Variants in HDAC9 observed in about 807,000 individuals in gnomAD.
The protein encoded by HDAC9 is histone deacetylase 9.
Under a neutral mutation model 139.4 loss-of-function variants are expected in HDAC9, and 41 were observed. That is an observed-to-expected ratio of 0.29 (90% CI 0.23 to 0.38). The LOEUF (loss-of-function observed/expected upper bound fraction) is 0.38. Among genes scored for constraint, HDAC9 ranks in the 10% least tolerant of loss-of-function variants. HDAC9 has a pLI of 1.00. For missense variants in HDAC9, 1,147 were observed against 1,297.0 expected (o/e 0.88, Z 1.78); for synonymous variants, 517 against 476.2 (o/e 1.09, Z -1.12).
At chr7:18,304,279 C>A (rs1562857374) in intron 1 of HDAC9, among the ~76,000 whole-genome samples, 1 of 152,130 alleles carries the variant, frequency 6.6e-6, no homozygotes, top group Non-Finnish European at 1.5e-5. Flanking sequence ...TGGATGGGAG[C>A]TTTGAGGAAT....
intron 13 of HDAC9, among the ~76,000 whole-genome samples, chr7:18,742,712 C>T (rs558998396): frequency 6.6e-6 from 1 of 151,984 alleles, no homozygotes; most frequent in African/African-American, 2.4e-5. Flanking sequence ...GTAGTCCTTT[C>T]CTTTATATTC....
intron 24 of HDAC9, among the ~76,000 whole-genome samples, chr7:18,966,076 C>T (rs1009646527): frequency 7.2e-5 from 11 of 152,266 alleles, no homozygotes; most frequent in African/African-American, 2.6e-4. Flanking sequence ...GGATGTGTTA[C>T]ACCTGTACTT....
At chr7:18,414,785 CTT>C (rs1393690559) in intron 1 of HDAC9, among the ~76,000 whole-genome samples, 2 of 152,210 alleles carry the variant, frequency 1.3e-5, no homozygotes, top group Non-Finnish European at 2.9e-5. Flanking sequence ...AAGAAAGGCT[CTT>C]TGTTATTTTT....
At chr7:18,824,047 A>G (rs866503725) in intron 17 of HDAC9, among the ~76,000 whole-genome samples, 31 of 133,458 alleles carry the variant, frequency 2.3e-4, no homozygotes, top group Non-Finnish European at 3.0e-4. Context: ...AGGAAGAGGA[A>G]GAAGAAGAAG....
At chr7:18,091,170 T>A (rs1782118119) in intron 1 of HDAC9, among the ~76,000 whole-genome samples, 1 of 152,218 alleles carries the variant, frequency 6.6e-6, no homozygotes, top group African/African-American at 2.4e-5. Context: ...AAATTACAAA[T>A]GGTTTATAGG....
At chr7:18,092,744 A>G (rs1475997131) in intron 1 of HDAC9, among the ~76,000 whole-genome samples, 1 of 152,172 alleles carries the variant, frequency 6.6e-6, no homozygotes, top group African/African-American at 2.4e-5. Context: ...TTGGAAAGTG[A>G]CTGAAGTCAT....
chr7:18,820,734 G>A (rs1159934044), intron 17 of HDAC9, among the ~76,000 whole-genome samples: 2 of 152,138 alleles, frequency 1.3e-5, no homozygotes, highest in African/African-American at 4.8e-5. Context: ...CTAAAATGGT[G>A]AGCAAAAAGT....
intron 9 of HDAC9, among the ~76,000 whole-genome samples, chr7:18,646,711 A>G (rs572303441): frequency 4.6e-5 from 7 of 152,290 alleles, no homozygotes; most frequent in Non-Finnish European, 1.0e-4. Flanking sequence ...GAAAAGAAAC[A>G]TGCCACATAA....
intron 1 of HDAC9, among the ~76,000 whole-genome samples, chr7:18,136,096 G>A (rs1314804145): frequency 2.1e-4 from 32 of 150,376 alleles, no homozygotes; most frequent in Admixed American, 1.9e-3. Flanking sequence ...CTGTATAAAT[G>A]TCTTCTTTTG....
intron 6 of HDAC9, among the ~76,000 whole-genome samples, chr7:18,595,777 T>C (rs995666481): frequency 6.6e-6 from 1 of 152,018 alleles, no homozygotes; most frequent in Non-Finnish European, 1.5e-5. Context: ...GAAGTGGCAT[T>C]TGGGAACATT....
At chr7:18,095,656 A>G (rs1295247603) in intron 1 of HDAC9, among the ~76,000 whole-genome samples, 1 of 152,220 alleles carries the variant, frequency 6.6e-6, no homozygotes, top group Admixed American at 6.5e-5. Context: ...TTTTTATTAA[A>G]CATTCTACTT....
In HDAC9 at chr7:18,380,208, A is replaced by G. The variant is rs576436957; in HGVS notation, c.-42+89693A>G. ...TGACACAATAAGATTAAAATCAAAT[A>G]ATGGGTTAACGTATATCTTAATTGA... On this transcript the variant is annotated intron_variant, in intron 1 of 3. Transcript: ENST00000413509. 2.6e-5 allele frequency among the ~76,000 whole-genome samples: 4 copies of G among 152,352 alleles called. No homozygotes were observed. In the East Asian group the frequency reaches 7.7e-4, roughly 29 times the overall value.
chr7:18,924,251 A>G (rs1312041110), intron 22 of HDAC9, among the ~76,000 whole-genome samples: 3 of 152,056 alleles, frequency 2.0e-5, no homozygotes, highest in Admixed American at 6.6e-5. Flanking sequence ...TTAAATGGTG[A>G]TTTATTTTAA....
chr7:18,197,847 C>G (rs1007009992), intron 2 of HDAC9, among the ~76,000 whole-genome samples: 1 of 152,092 alleles, frequency 6.6e-6, no homozygotes, highest in Non-Finnish European at 1.5e-5. Context: ...TTAAGGAAAA[C>G]TGAACCAGGA....
chr7:18,918,160 G>A (rs1803375832), intron 22 of HDAC9, among the ~76,000 whole-genome samples: 1 of 152,008 alleles, frequency 6.6e-6, no homozygotes, highest in South Asian at 2.1e-4. Context: ...AAGGCGAACA[G>A]GAAGAAAAGG....
chr7:18,523,577 A>T (rs1805776025), intron 2 of HDAC9, among the ~76,000 whole-genome samples: 1 of 149,426 alleles, frequency 6.7e-6, no homozygotes, highest in Non-Finnish European at 1.5e-5. Context: ...ACAACCTTAT[A>T]TATTTGCCCT....
intron 22 of HDAC9, among the ~76,000 whole-genome samples, chr7:18,879,044 GCAATCCCATTCA>G (rs774470833): frequency 1.1e-4 from 17 of 152,086 alleles, no homozygotes; most frequent in Non-Finnish European, 1.6e-4. Context: ...AATGAGAAAG[GCAATCCCATTCA>G]CAACTGTCAC....
At chr7:18,494,647 T>C (rs1457448031), upstream of HDAC9, among the ~76,000 whole-genome samples, 1 of 152,070 alleles carries the variant, frequency 6.6e-6, no homozygotes, top group African/African-American at 2.4e-5. Flanking sequence ...ACTCTGATAC[T>C]ATCTACTGTA....
At chr7:18,755,079 A>G (rs568056752) in intron 14 of HDAC9, among the ~76,000 whole-genome samples, 1 of 152,284 alleles carries the variant, frequency 6.6e-6, no homozygotes, top group Admixed American at 6.6e-5. Flanking sequence ...TCTAACCACA[A>G]AACAGAGAGA....
Sources: gnomAD v4.1 joint callset for allele counts (sites outside exome capture counted in the v4.1 genomes callset) on GRCh38, gnomAD v4.1.1 for gene constraint, MANE v1.5 for transcripts, NCBI Gene and HGNC (gene_info 2026-07-23, HGNC 2026-07-21) for gene names.